The following CDKL5 variants were observed in gnomAD, a reference collection of about 807,000 sequenced individuals.
The protein encoded by CDKL5 is cyclin dependent kinase like 5, also known as cyclin-dependent kinase-like 5.
In CDKL5, 8 loss-of-function variants were observed where a neutral mutation model predicts 61.7. The observed-to-expected ratio is 0.13, with a 90% confidence interval of 0.08 to 0.23. The LOEUF (loss-of-function observed/expected upper bound fraction) is 0.23. Among genes scored for constraint, CDKL5 ranks in the 10% least tolerant of loss-of-function variants. CDKL5 has a pLI of 1.00. For missense variants in CDKL5, 440 were observed against 734.5 expected (o/e 0.60, Z 4.63); for synonymous variants, 275 against 272.3 (o/e 1.01, Z -0.10).
intron 4 of CDKL5, among the ~76,000 whole-genome samples, chrX:18,574,994 A>G: frequency 8.9e-6 from 1 of 111,734 alleles, no homozygotes; most frequent in African/African-American, 3.2e-5. Flanking sequence ...TTCCTTGTAT[A>G]GAGTGTTATA....
intron 20 of CDKL5, chrX:18,647,182 C>A: frequency 8.3e-7 from 1 of 1,210,653 alleles, no homozygotes; most frequent in Non-Finnish European, 1.1e-6. Context: ...ATCCCCGGGC[C>A]CTGCTTACCC....
chrX:18,626,712 CTCTCTCTCT>C (rs1927062675), intron 17 of CDKL5: 1 of 51,058 alleles, frequency 2.0e-5, no homozygotes, highest in Non-Finnish European at 3.5e-5. Flanking sequence ...CTCTCTCTCT[CTCTCTCTCT>C]CTCCCCCCTC....
chrX:18,578,231 A>G (rs1925362261), intron 5 of CDKL5, among the ~76,000 whole-genome samples: 2 of 112,713 alleles, frequency 1.8e-5, no homozygotes, highest in South Asian at 7.2e-4. Context: ...CTTTTCATTT[A>G]TTAAGCCTTT....
chrX:18,526,016 G>A (rs1923427768), intron 3 of CDKL5, among the ~76,000 whole-genome samples: 2 of 111,729 alleles, frequency 1.8e-5, no homozygotes, highest in Non-Finnish European at 3.8e-5. Context: ...CAAAGTACTG[G>A]GATTATAGGC....
chrX:18,601,789 G>A (rs912847632), intron 11 of CDKL5, among the ~76,000 whole-genome samples: 11 of 112,356 alleles, frequency 9.8e-5, no homozygotes, highest in East Asian at 2.8e-4. Context: ...TCTGCTTAAC[G>A]TCGCTAACAG....
intron 1 of CDKL5, among the ~76,000 whole-genome samples, chrX:18,488,331 G>A (rs1292464245): frequency 1.8e-5 from 2 of 111,224 alleles, no homozygotes; most frequent in East Asian, 5.6e-4. Flanking sequence ...CAAAATTTTT[G>A]TCATTTTGCC....
At chrX:18,439,837 CAAA>C (rs199796155) in intron 1 of CDKL5, among the ~76,000 whole-genome samples, 4 of 38,010 alleles carry the variant, frequency 1.1e-4, no homozygotes, top group Non-Finnish European at 5.4e-5. Flanking sequence ...ATTTGGTCTC[CAAA>C]AAAAAAAAAA....
chrX:18,554,361 G>GA (rs1293082130), intron 3 of CDKL5, among the ~76,000 whole-genome samples: 17 of 91,644 alleles, frequency 1.9e-4, no homozygotes, highest in East Asian at 1.6e-3. Flanking sequence ...AAATTTTTAG[G>GA]AAAAAAAAAA....
chrX:18,517,944 G>T (rs1360377447), intron 3 of CDKL5, among the ~76,000 whole-genome samples: 2 of 111,445 alleles, frequency 1.8e-5, no homozygotes, highest in African/African-American at 6.5e-5. Flanking sequence ...GGCGGAGGTT[G>T]CAGTGAGCGG....
In CDKL5 at chrX:18,603,887, T is replaced by C. The variant is rs1431948467; in HGVS notation, c.978-15T>C. 1 of 1,210,220 alleles carries C rather than the reference T, an allele frequency of 8.3e-7. No individual in the cohort carries two copies. The highest frequency in any genetic ancestry group is 1.1e-6 in the Non-Finnish European group (1 of 893,930). ...ATTGAGGGAAACTGATATACTTCTT[T>C]TGTTTTTAACATAGAAACCAAGCCG... On this transcript the variant is annotated splice_polypyrimidine_tract_variant and intron_variant, in intron 11 of 17. Coordinates refer to ENST00000623535, the MANE Select transcript of CDKL5 (RefSeq NM_001323289.2).
chrX:18,535,209 A>G (rs1923778391), intron 3 of CDKL5: 5 of 119,822 alleles, frequency 4.2e-5, no homozygotes. Flanking sequence ...TGGGATAATG[A>G]GCAGTTTGCC....
At position 18,628,450 on chromosome X, in the gene CDKL5, T is replaced by A. The variant is rs1569225393; in HGVS notation, c.2576T>A (p.Phe859Tyr). 1.7e-6 allele frequency: 2 copies of A among 1,211,917 alleles called. No homozygotes were observed. ...CACCCGGCTTCCTCAGATCCCCGCT[T>A]CCAGCCCTTAACAGCTCAACAAACC... Reference protein sequence around the residue: ...SNHPASSDPRFQPLTAQQTKN... With the variant: ...SNHPASSDPRYQPLTAQQTKN... Residue 859 changes from phenylalanine (F) to tyrosine (Y), a missense_variant, in exon 18 of 18, where the codon TTC becomes TAC. Physicochemically the swap from Phe to Tyr is conservative, Grantham distance 22. Around this residue, in one of 2 missense-constraint regions of CDKL5, gnomAD observed 363 missense variants for 516.3 expected, o/e 0.70. Transcript: ENST00000623535.
At chrX:18,429,441 G>A (rs1440767993) in intron 1 of CDKL5, among the ~76,000 whole-genome samples, 2 of 111,575 alleles carry the variant, frequency 1.8e-5, no homozygotes, top group African/African-American at 6.5e-5. Flanking sequence ...ATACATGTGT[G>A]TTCTCACAAC....
rs1449682745 is a variant in CDKL5, at chrX:18,634,752, A to G, written c.*5995A>G. The stretch of plus-strand genomic sequence containing the variant: ...TGATTAACAGAAACAATTAAACCAA[A>G]CAAAATCATTGCCCCAAATTTCTAT... On this transcript the variant is annotated 3_prime_UTR_variant, in exon 18 of 18. Coordinates refer to ENST00000623535, the MANE Select transcript of CDKL5 (RefSeq NM_001323289.2). 1 of 751,016 alleles carries G rather than the reference A, an allele frequency of 1.3e-6. No individual in the cohort carries two copies. Among genetic ancestry groups the G allele is most frequent in the Non-Finnish European group, 1.6e-6 (1 of 638,634 alleles). The allele number at this position is 751,016 out of a possible 1,213,427, so 61.9% of individuals were successfully genotyped here. A position where few individuals can be genotyped will look rare whatever the true frequency, so the allele number is the denominator to read the frequency against.
In CDKL5 at chrX:18,464,156, A is replaced by G. The variant is rs191946133; in HGVS notation, c.-163+38461A>G. Among the ~76,000 whole-genome samples, 466 of 109,853 alleles carry G rather than the reference A, an allele frequency of 4.2e-3. 2 individuals carry two copies. Among genetic ancestry groups the G allele is most frequent in the South Asian group, 8.2e-3 (21 of 2,572 alleles). ...ATATTTTCCAGTTACTTTACTTATTACCAATCTGATAGGTTAAAACTGATT... is the reference window on the plus strand; with the variant it reads ...ATATTTTCCAGTTACTTTACTTATTGCCAATCTGATAGGTTAAAACTGATT... On this transcript the variant is annotated intron_variant, in intron 1 of 17. Transcript: ENST00000623535.
At chrX:18,481,527 AT>A (rs764120656) in intron 1 of CDKL5, among the ~76,000 whole-genome samples, 180 of 81,411 alleles carry the variant, frequency 2.2e-3, no homozygotes, top group Admixed American at 3.2e-3. Flanking sequence ...TAATTTTTGT[AT>A]TTTTTTTTTT....
intron 10 of CDKL5, among the ~76,000 whole-genome samples, chrX:18,596,144 A>G (rs1478726566): frequency 1.8e-5 from 2 of 111,804 alleles, no homozygotes. Flanking sequence ...TTATTAATGG[A>G]TCAATTTTAT....
At chrX:18,645,806 A>G (rs1468120857) in intron 19 of CDKL5, among the ~76,000 whole-genome samples, 2 of 111,053 alleles carry the variant, frequency 1.8e-5, no homozygotes, top group Admixed American at 1.9e-4. Context: ...CTCATTTGGT[A>G]ATAGAACCCC....
intron 3 of CDKL5, among the ~76,000 whole-genome samples, chrX:18,542,246 G>A (rs1159934782): frequency 5.4e-5 from 6 of 111,304 alleles, no homozygotes; most frequent in Non-Finnish European, 1.1e-4. Flanking sequence ...GGCCTTTGCT[G>A]ACCACTGTGG....
Sources: allele counts gnomAD v4.1 joint callset (sites outside exome capture counted in the v4.1 genomes callset), GRCh38; gene constraint gnomAD v4.1.1; regional missense constraint gnomAD v4.1.1; transcripts MANE v1.5; gene names NCBI Gene and HGNC (gene_info 2026-07-23, HGNC 2026-07-21).